Variants in BICD1 observed in about 807,000 individuals in gnomAD.
BICD1 encodes the protein BICD cargo adaptor 1, also known as protein bicaudal D homolog 1.
BICD1 carries 35 observed loss-of-function variants against 92.5 expected under a neutral mutation model. That is an observed-to-expected ratio of 0.38 (90% CI 0.29 to 0.50). The LOEUF is 0.50. Among genes scored for constraint, BICD1 ranks in the 20% least tolerant of loss-of-function variants. The pLI, the probability that BICD1 is intolerant of heterozygous loss-of-function variation, is 0.93. For synonymous variants in BICD1, 429 were observed against 465.1 expected (o/e 0.92, Z 1.00); for missense variants, 950 against 1,189.8 (o/e 0.80, Z 2.97).
intron 8 of BICD1, among the ~76,000 whole-genome samples, chr12:32,364,451 T>C (rs1036106830): frequency 6.6e-6 from 1 of 152,044 alleles, no homozygotes; most frequent in Non-Finnish European, 1.5e-5. Context: ...CTAAGACACA[T>C]CCGTGGCTCA....
In BICD1 at chr12:32,118,958, A is replaced by G. The variant is rs114775911; in HGVS notation, c.213+11414A>G. Among the ~76,000 whole-genome samples, 1,386 of 152,310 alleles carry G rather than the reference A, an allele frequency of 9.1e-3. 19 individuals carry two copies. The highest frequency in any genetic ancestry group is 0.031 in the African/African-American group (1,297 of 41,556). ...ATGTTTCAGACTGGGAAGAGAGTCAACGAACATCCACACATATTTCAGTTG... is the reference window on the plus strand; with the variant it reads ...ATGTTTCAGACTGGGAAGAGAGTCAGCGAACATCCACACATATTTCAGTTG... On this transcript the variant is annotated intron_variant, in intron 1 of 9. Transcript: ENST00000652176.
chr12:32,346,574 A>G (rs1938600705), intron 8 of BICD1, among the ~76,000 whole-genome samples: 5 of 42,904 alleles, frequency 1.2e-4, no homozygotes, highest in Non-Finnish European at 1.8e-4. Context: ...ATATATATAT[A>G]TATATATACG....
intron 3 of BICD1, 78 bp downstream of exon 3, chr12:32,294,224 G>C (rs1328931056): frequency 7.4e-7 from 1 of 1,346,188 alleles, no homozygotes; most frequent in Non-Finnish European, 1.0e-6. Flanking sequence ...CTCCAAACTT[G>C]TCAGAATTTA....
At chr12:32,373,022 T>C (rs77649631) in intron 9 of BICD1, among the ~76,000 whole-genome samples, 8,962 of 152,308 alleles carry the variant, frequency 0.059, 379 homozygotes, top group Middle Eastern at 0.15. Flanking sequence ...GGATATAATA[T>C]TGAAATATAT....
At chr12:32,127,578 A>G (rs927126881) in intron 1 of BICD1, among the ~76,000 whole-genome samples, 7 of 152,240 alleles carry the variant, frequency 4.6e-5, no homozygotes, top group African/African-American at 1.4e-4. Flanking sequence ...CCATTTTAAT[A>G]TAAGTTCTTG....
In BICD1 at chr12:32,380,529, C is replaced by A. The variant is rs1449464163; in HGVS notation, c.*2902C>A. On this transcript the variant is annotated 3_prime_UTR_variant, in exon 10 of 10. Transcript: ENST00000652176. ...AGTTTTTTAAAAGTAAGCACAATTA[C>A]AATATTGAATAGTATGGAGAAATGC... is the stretch of plus-strand genomic sequence containing the variant. 6.6e-6 allele frequency: 1 copy of A among 152,072 alleles called. No individual in the cohort carries two copies. Among genetic ancestry groups the A allele is most frequent in the Non-Finnish European group, 1.5e-5 (1 of 67,986 alleles). The allele number at this position is 152,072 out of a possible 1,614,324, so 9.4% of individuals were successfully genotyped here.
chr12:32,337,407 A>G lies in BICD1; in HGVS notation c.2253-92A>G. 1 of 1,245,596 alleles carries G rather than the reference A, an allele frequency of 8.0e-7. No individual in the cohort carries two copies. The highest frequency in any genetic ancestry group is 1.1e-6 in the Non-Finnish European group (1 of 890,664). 77.2% of individuals were successfully genotyped at this position (1,245,596 alleles called of 1,614,324 possible). On this transcript the variant is annotated intron_variant, in intron 6 of 9. Coordinates refer to ENST00000652176, the MANE Select transcript of BICD1 (RefSeq NM_001714.4). The surrounding 1 kb of genome is among the most constrained non-coding windows in gnomAD (Gnocchi z 4.7). The stretch of plus-strand genomic sequence containing the variant: ...CTTTAAACCAGTCTTCTAAATTTCT[A>G]AATTTCGGTCAAATTTATTACTTTT...
chr12:32,298,645 C>A (rs1947948043), intron 3 of BICD1, among the ~76,000 whole-genome samples: 1 of 149,224 alleles, frequency 6.7e-6, no homozygotes, highest in Admixed American at 6.7e-5. Flanking sequence ...CCGAGGCGGG[C>A]AGATCACCTG....
At chr12:32,329,678 C>A (rs1423323316) in intron 5 of BICD1, among the ~76,000 whole-genome samples, 1 of 152,128 alleles carries the variant, frequency 6.6e-6, no homozygotes, top group Non-Finnish European at 1.5e-5. Flanking sequence ...GGATGTTAAC[C>A]CACCTGGGTC....
intron 1 of BICD1, chr12:32,107,924 A>G: frequency 3.6e-6 from 2 of 549,518 alleles, no homozygotes; most frequent in South Asian, 2.0e-5. Context: ...CACAAAAGTG[A>G]TGAGGTTTGT....
At chr12:32,124,542 A>G (rs1012930197) in intron 1 of BICD1, among the ~76,000 whole-genome samples, 6 of 152,186 alleles carry the variant, frequency 3.9e-5, no homozygotes, top group Admixed American at 2.0e-4. Flanking sequence ...TTGATAAATG[A>G]TGGATGTGAT....
chr12:32,349,864 C>T (rs188042545), intron 8 of BICD1, among the ~76,000 whole-genome samples: 84 of 152,242 alleles, frequency 5.5e-4, no homozygotes, highest in African/African-American at 2.0e-3. Context: ...ACTTTGATTT[C>T]TCTGTCAAAA....
intron 2 of BICD1, among the ~76,000 whole-genome samples, chr12:32,237,057 A>C (rs1946094652): frequency 6.6e-6 from 1 of 151,558 alleles, no homozygotes; most frequent in Non-Finnish European, 1.5e-5. Flanking sequence ...TTGTATTTTT[A>C]ATAGAGACAG....
At chr12:32,218,089 G>A (rs1169439204) in intron 2 of BICD1, among the ~76,000 whole-genome samples, 2 of 152,224 alleles carry the variant, frequency 1.3e-5, no homozygotes, top group African/African-American at 2.4e-5. Flanking sequence ...GAACAGCCAA[G>A]GTTGAGGATG....
At chr12:32,165,871 AG>A (rs1943748435) in intron 1 of BICD1, among the ~76,000 whole-genome samples, 1 of 152,130 alleles carries the variant, frequency 6.6e-6, no homozygotes, top group Non-Finnish European at 1.5e-5. Flanking sequence ...AAAACCATAG[AG>A]AAGTACCTGT....
At position 32,348,823 on chromosome 12, in the gene BICD1, G is replaced by A. The variant is rs184968567; in HGVS notation, c.2764+9844G>A. Among the ~76,000 whole-genome samples the A allele has an allele frequency of 6.8e-3, 798 of 118,114 alleles. 7 individuals are homozygous for A. Among genetic ancestry groups the A allele is most frequent in the African/African-American group, 0.026 (762 of 29,734 alleles). 77.5% of individuals were successfully genotyped at this position (118,114 alleles called of 152,430 possible). A position where few individuals can be genotyped will look rare whatever the true frequency, so the allele number is the denominator to read the frequency against. ...GCTGAAAGAGACATTACTGGGGTTC[G>A]TTTCTAGATCACAGATCCTGCCTCA... On this transcript the variant is annotated intron_variant, in intron 8 of 9. Coordinates refer to ENST00000652176, the MANE Select transcript of BICD1 (RefSeq NM_001714.4).
chr12:32,191,144 A>G (rs1278826800), intron 1 of BICD1, among the ~76,000 whole-genome samples: 3 of 152,310 alleles, frequency 2.0e-5, no homozygotes, highest in East Asian at 3.9e-4. Context: ...AAAGATCTTA[A>G]ACAACCTAAT....
At chr12:32,251,967 A>G (rs948236521) in intron 2 of BICD1, among the ~76,000 whole-genome samples, 1 of 91,348 alleles carries the variant, frequency 1.1e-5, no homozygotes, top group African/African-American at 3.3e-5. Flanking sequence ...CAAAACTTTT[A>G]AAACTTTACC....
intron 8 of BICD1, 147 bp downstream of exon 8, chr12:32,339,126 C>T (rs550733134): frequency 4.5e-6 from 6 of 1,348,274 alleles, no homozygotes; most frequent in East Asian, 6.2e-5. Context: ...AACTTCCTTA[C>T]ACTTAGCTTC....
Sources: allele counts gnomAD v4.1 joint callset (sites outside exome capture counted in the v4.1 genomes callset), GRCh38; gene constraint gnomAD v4.1.1; non-coding constraint Gnocchi (gnomAD v3.1); transcripts MANE v1.5; gene names NCBI Gene and HGNC (gene_info 2026-07-23, HGNC 2026-07-21).